The following TRIM37 variants were observed in gnomAD, a reference collection of about 807,000 sequenced individuals.
The protein encoded by TRIM37 is E3 ubiquitin-protein ligase TRIM37.
In TRIM37, 80 loss-of-function variants were observed where a neutral mutation model predicts 129.8. The observed-to-expected ratio is 0.62, with a 90% confidence interval of 0.51 to 0.74. The LOEUF is 0.74. Among genes scored for constraint, TRIM37 ranks in the 30% least tolerant of loss-of-function variants. The probability of loss-of-function intolerance (pLI) is 0.00; values close to 1 mark genes in which losing one functional copy is unlikely to be tolerated. For synonymous variants in TRIM37, 389 were observed against 387.1 expected (o/e 1.00, Z -0.06); for missense variants, 1,054 against 1,176.5 (o/e 0.90, Z 1.52).
At chr17:59,104,571 G>A in intron 1 of TRIM37, 177 bp from the exon 2 acceptor site, 1 of 765,426 alleles carries the variant, frequency 1.3e-6, no homozygotes, top group Non-Finnish European at 2.4e-6. Context: ...TCTGGAAAAT[G>A]TACTCCCGTT....
chr17:58,984,249 G>C (rs1331715158), intron 24 of TRIM37: 1 of 152,582 alleles, frequency 6.6e-6, no homozygotes, highest in Non-Finnish European at 1.5e-5. Flanking sequence ...ATTTATAGTG[G>C]TATAGTGTCA....
intron 23 of TRIM37, among the ~76,000 whole-genome samples, chr17:59,000,631 T>C (rs1398271979): frequency 6.6e-6 from 1 of 151,980 alleles, no homozygotes; most frequent in Non-Finnish European, 1.5e-5. Context: ...GCAATGCAAA[T>C]AAGACAGAAG....
At chr17:59,009,931 G>A (rs772450888) in intron 22 of TRIM37, among the ~76,000 whole-genome samples, 13 of 151,998 alleles carry the variant, frequency 8.6e-5, no homozygotes, top group African/African-American at 2.9e-4. Flanking sequence ...TTTTTATTAC[G>A]TATCTCATTT....
chr17:59,086,470 C>T (rs1472881117), intron 4 of TRIM37, among the ~76,000 whole-genome samples: 3 of 152,052 alleles, frequency 2.0e-5, no homozygotes, highest in Non-Finnish European at 4.4e-5. Flanking sequence ...AACTCCTGAC[C>T]TTAGGTGATC....
chr17:59,096,265 A>AT (rs1323443792), intron 2 of TRIM37, among the ~76,000 whole-genome samples: 1 of 152,040 alleles, frequency 6.6e-6, no homozygotes, highest in Non-Finnish European at 1.5e-5. Context: ...TAAAAAAAAA[A>AT]CATCAGCCGG....
chr17:58,996,002 C>CA (rs916174787), downstream of TRIM37, among the ~76,000 whole-genome samples: 47 of 148,486 alleles, frequency 3.2e-4, no homozygotes, highest in South Asian at 2.8e-3. Flanking sequence ...CCCTGTCTTC[C>CA]AAAAAAAAAT....
chr17:59,058,392 G>C (rs971768020), intron 12 of TRIM37, among the ~76,000 whole-genome samples: 2 of 152,160 alleles, frequency 1.3e-5, no homozygotes, highest in African/African-American at 4.8e-5. Context: ...AGGGCAGAGG[G>C]TGGGAAAAAG....
At chr17:59,099,199 A>G (rs1445926173) in intron 2 of TRIM37, among the ~76,000 whole-genome samples, 2 of 152,084 alleles carry the variant, frequency 1.3e-5, no homozygotes, top group African/African-American at 4.8e-5. Flanking sequence ...AAAAAAACTT[A>G]AGAAAAAGGA....
intron 16 of TRIM37, among the ~76,000 whole-genome samples, chr17:59,042,868 A>C (rs1029551091): frequency 6.6e-6 from 1 of 152,042 alleles, no homozygotes; most frequent in Non-Finnish European, 1.5e-5. Flanking sequence ...AAATCTAAGA[A>C]CCACTATTAG....
downstream of TRIM37, chr17:58,980,882 C>T (rs748557536): frequency 6.2e-7 from 1 of 1,614,196 alleles, no homozygotes; most frequent in Non-Finnish European, 8.5e-7. This position sits in a 1 kb window ranked among gnomAD's most constrained non-coding sequence, Gnocchi z 4.7. Flanking sequence ...CCTGTCCTCA[C>T]TTACTGGAAG....
At chr17:59,070,541 C>CA (rs1429265079) in intron 9 of TRIM37, among the ~76,000 whole-genome samples, 1 of 151,962 alleles carries the variant, frequency 6.6e-6, no homozygotes, top group African/African-American at 2.4e-5. Context: ...ATGTATACAA[C>CA]AGAGCTTGCC....
intron 4 of TRIM37, among the ~76,000 whole-genome samples, chr17:59,086,969 T>C (rs2043807793): frequency 6.6e-6 from 1 of 152,220 alleles, no homozygotes; most frequent in Non-Finnish European, 1.5e-5. Context: ...CACCTAAGTG[T>C]TCACCAAAGA....
chr17:59,052,531 C>T (rs114643132), intron 13 of TRIM37, among the ~76,000 whole-genome samples: 1,546 of 152,192 alleles, frequency 0.01, 27 homozygotes, highest in African/African-American at 0.035. Flanking sequence ...CAAGAAAGGA[C>T]AGAACATAAA....
At chr17:59,033,150 C>T (rs949754727) in intron 17 of TRIM37, among the ~76,000 whole-genome samples, 11 of 152,018 alleles carry the variant, frequency 7.2e-5, no homozygotes, top group Admixed American at 1.3e-4. Context: ...CAATGCTACA[C>T]GCAGGAAAGT....
Position 58,999,214 on chromosome 17 carries a change from T to C in TRIM37, c.*163A>G, listed in dbSNP as rs1056737632. ...CCCATGTACTACTGCTGTCTTAGACTAAACTGTGCCACCTTCCAACAGTTT... is the reference window on the plus strand; with the variant it reads ...CCCATGTACTACTGCTGTCTTAGACCAAACTGTGCCACCTTCCAACAGTTT... On this transcript the variant is annotated 3_prime_UTR_variant, in exon 24 of 24. Transcript: ENST00000262294. The C allele has an allele frequency of 1.5e-5, 23 of 1,522,404 alleles. No homozygotes were observed. In the Admixed American group the frequency reaches 2.8e-4, roughly 19 times the overall value. 94.3% of individuals were successfully genotyped at this position (1,522,404 alleles called of 1,614,324 possible).
chr17:59,104,827 CATTACTGTA>C (rs1233038699), intron 1 of TRIM37, among the ~76,000 whole-genome samples: 1 of 152,006 alleles, frequency 6.6e-6, no homozygotes, highest in African/African-American at 2.4e-5. Flanking sequence ...CATGATGGTT[CATTACTGTA>C]ATCCTAGCAC....
intron 22 of TRIM37, among the ~76,000 whole-genome samples, chr17:59,009,186 G>A (rs2034928447): frequency 1.3e-5 from 2 of 151,972 alleles, no homozygotes; most frequent in South Asian, 4.1e-4. Context: ...GAGTGCAATG[G>A]CCACAATCTC....
chr17:59,101,655 C>CAAAAAA (rs763661189), intron 2 of TRIM37, among the ~76,000 whole-genome samples: 41 of 58,738 alleles, frequency 7.0e-4, no homozygotes, highest in Admixed American at 1.3e-3. Flanking sequence ...CCCATCTCTA[C>CAAAAAA]AAAAAAAAAA....
At chr17:59,104,199 G>T in intron 2 of TRIM37, 94 bp downstream of exon 2, 1 of 1,283,112 alleles carries the variant, frequency 7.8e-7, no homozygotes, top group Non-Finnish European at 1.1e-6. Flanking sequence ...GCACTTTAGG[G>T]CAAAAAATGT....
Sources: gnomAD v4.1 joint callset for allele counts (sites outside exome capture counted in the v4.1 genomes callset) on GRCh38, gnomAD v4.1.1 for gene constraint, Gnocchi (gnomAD v3.1) non-coding constraint, MANE v1.5 for transcripts, NCBI Gene and HGNC (gene_info 2026-07-23, HGNC 2026-07-21) for gene names.